RPGRIP1: variants seen among roughly 807,000 people sequenced by gnomAD.
The protein encoded by RPGRIP1 is RPGR interacting protein 1, also known as X-linked retinitis pigmentosa GTPase regulator-interacting protein 1.
Under a neutral mutation model 157.9 loss-of-function variants are expected in RPGRIP1, and 128 were observed. The observed-to-expected ratio is 0.81, with a 90% CI of 0.70 to 0.94. RPGRIP1 has a LOEUF of 0.94. Ranked by LOEUF, RPGRIP1 falls within the 40% of genes least tolerant of loss-of-function variation. RPGRIP1 has a pLI of 0.00. For missense variants in RPGRIP1, 1,486 were observed against 1,545.8 expected, an observed-to-expected ratio of 0.96 and a Z score of 0.65; for synonymous variants, 554 against 571.6, an observed-to-expected ratio of 0.97 and a Z score of 0.44.
rs765529086 is a variant in RPGRIP1 at position 21,334,673 on chromosome 14, GTGCCACCCA to G, written c.3310_3318del (p.Pro1104_Met1106del). ...AACTACCGACAGTGATGATGTCATA[GTGCCACCCA>G]TGTCTCAGAAATATCCTAAGGCAGT... On this transcript the variant is annotated inframe_deletion, in exon 21 of 25. Coordinates refer to ENST00000400017, the MANE Select transcript of RPGRIP1 (RefSeq NM_020366.4). The G allele has an allele frequency of 1.9e-6, 3 of 1,607,734 alleles. No homozygotes were observed. The highest frequency in any genetic ancestry group is 2.5e-6 in the Non-Finnish European group (3 of 1,177,530).
intron 1 of RPGRIP1, among the ~76,000 whole-genome samples, chr14:21,283,654 CTT>C (rs759412799): frequency 1.0e-4 from 14 of 134,012 alleles, no homozygotes; most frequent in Admixed American, 7.7e-5. Flanking sequence ...TGCAGATTTA[CTT>C]TTTTTTTTTT....
intron 3 of RPGRIP1, 106 bp from the exon 4 acceptor site, chr14:21,300,860 T>C: frequency 2.3e-6 from 3 of 1,294,704 alleles, no homozygotes; most frequent in Non-Finnish European, 1.1e-6. Context: ...TAGATCACGG[T>C]AGATGAATAC....
chr14:21,302,962 C>T lies in RPGRIP1; in HGVS notation c.588-369C>T, dbSNP rs10140707. ...TTGGTTCACTGCAACCCCTGCCTCC[C>T]AGGTTCAAGCAATTCTCCTGCCTCA... On this transcript the variant is annotated intron_variant, in intron 5 of 24. Coordinates refer to ENST00000400017, the MANE Select transcript of RPGRIP1 (RefSeq NM_020366.4). 7.2e-3 allele frequency: 1,496 copies of T among 207,704 alleles called. 21 individuals are homozygous for T. Among genetic ancestry groups the T allele is most frequent in the African/African-American group, 0.033 (1,414 of 42,286 alleles). 12.9% of individuals were successfully genotyped at this position (207,704 alleles called of 1,614,324 possible).
Position 21,320,063 on chromosome 14 carries a change from G to T in RPGRIP1, c.1353G>T (p.Lys451Asn), listed in dbSNP as rs192566786. 6.2e-7 allele frequency: 1 copy of T among 1,613,404 alleles called. No homozygotes were observed. The highest frequency in any genetic ancestry group is 2.2e-5 in the East Asian group (1 of 44,870). Residue 451 changes from lysine (K) to asparagine (N), a missense_variant, in exon 12 of 25, where the codon AAG (lysine) becomes AAT (asparagine). Transcript: ENST00000400017. Reference sequence around the variant, plus strand: ...TTGAAGTCACCAACATACTTCAGAAGCATAAACAGGAAGTAGAGCTCCTCC... The same window carrying T: ...TTGAAGTCACCAACATACTTCAGAATCATAAACAGGAAGTAGAGCTCCTCC... ...LKLEVTNILQ[K>N]HKQEVELLQN...
chr14:21,315,800 A>ATTTT (rs1296019158), intron 10 of RPGRIP1, among the ~76,000 whole-genome samples: 2 of 143,806 alleles, frequency 1.4e-5, no homozygotes, highest in African/African-American at 5.2e-5. Context: ...TATTATTATT[A>ATTTT]TTATTATTTT....
At chr14:21,344,609 T>C (rs1182966560) in intron 22 of RPGRIP1, among the ~76,000 whole-genome samples, 1 of 152,246 alleles carries the variant, frequency 6.6e-6, no homozygotes, top group African/African-American at 2.4e-5. Flanking sequence ...CTTTTTTTCC[T>C]ACCCTCATAT....
At chr14:21,317,227 G>T (rs531489121) in intron 10 of RPGRIP1, among the ~76,000 whole-genome samples, 1 of 152,304 alleles carries the variant, frequency 6.6e-6, no homozygotes, top group African/African-American at 2.4e-5. Context: ...TACAGTTGTT[G>T]AAAAGTTTAA....
At chr14:21,294,888 A>T in intron 3 of RPGRIP1, 79 bp downstream of exon 3, 2 of 1,210,736 alleles carry the variant, frequency 1.7e-6, no homozygotes, top group Non-Finnish European at 2.1e-6. Flanking sequence ...TCTGTTGCCC[A>T]GGCTGGAATG....
Position 21,301,096 on chromosome 14 carries a change from C to T in RPGRIP1, c.349C>T (p.Gln117Ter), listed in dbSNP as rs539334802. Residue 117 changes from glutamine to a stop codon, truncating the protein, a stop_gained, in exon 4 of 25, where the codon CAG (glutamine) becomes TAG (stop). Coordinates refer to ENST00000400017, the MANE Select transcript of RPGRIP1 (RefSeq NM_020366.4). LOFTEE classifies it high-confidence loss of function. ...AGWRQRLSMH[Q>*]RPQMHRLQGH... ...ATGGCGGCAGCGCCTCTCCATGCAC[C>T]AGCGCCCCCAGATGCACCGACTGCA... 6.2e-7 allele frequency: 1 copy of T among 1,611,808 alleles called. No individual in the cohort carries two copies. Among genetic ancestry groups the T allele is most frequent in the South Asian group, 1.1e-5 (1 of 90,956 alleles).
In RPGRIP1 at chr14:21,325,323, G is replaced by C; in HGVS notation, c.2307G>C (p.Lys769Asn). 6.2e-7 allele frequency: 1 copy of C among 1,607,220 alleles called. No homozygotes were observed. Among genetic ancestry groups the C allele is most frequent in the Non-Finnish European group, 8.5e-7 (1 of 1,176,720 alleles). ...GCCTACAGGCGTGCAATAAACGAAA[G>C]AAAGCCCAGGTCTACCTGTCAACCG... ...KPSLQACNKR[K>N]KAQVYLSTDV... Residue 769 changes from lysine (K) to asparagine (N), a missense_variant, in exon 16 of 25, where the codon AAG becomes AAC. By Grantham distance (94) the Lys-to-Asn change is moderately conservative. Coordinates refer to ENST00000400017, the MANE Select transcript of RPGRIP1 (RefSeq NM_020366.4).
chr14:21,293,841 T>C (rs1880639930), intron 2 of RPGRIP1, among the ~76,000 whole-genome samples: 1 of 151,464 alleles, frequency 6.6e-6, no homozygotes, highest in African/African-American at 2.4e-5. Context: ...ATGGCGCCAC[T>C]GCACTCCAGC....
rs1883350693 is a variant in RPGRIP1 at position 21,328,487 on chromosome 14, CCT to C, written c.2961_2962del (p.His988TrpfsTer30). 1 of 1,613,750 alleles carries C rather than the reference CCT, an allele frequency of 6.2e-7. No individual in the cohort carries two copies. The highest frequency in any genetic ancestry group is 8.5e-7 in the Non-Finnish European group (1 of 1,179,822). On this transcript the variant is annotated frameshift_variant, in exon 19 of 25. Transcript: ENST00000400017. LOFTEE classifies it high-confidence loss of function. Reference sequence around the variant, plus strand: ...CCAGTATCGATCTAAGAGAAAACCTCCTCATGGGGGAGAAAGAAAGGAGAAGG... The same window carrying C: ...CCAGTATCGATCTAAGAGAAAACCTCCATGGGGGAGAAAGAAAGGAGAAGG... ...AGQYRSKRKP[P>X]HGGERKEKEH...
chr14:21,312,258 A>G (rs1010528973), intron 9 of RPGRIP1, among the ~76,000 whole-genome samples, 175 bp from the exon 10 acceptor site: 6 of 152,138 alleles, frequency 3.9e-5, no homozygotes, highest in Non-Finnish European at 8.8e-5. Context: ...ATCCCAATAC[A>G]AGTTTCTAGC....
intron 6 of RPGRIP1, among the ~76,000 whole-genome samples, chr14:21,306,046 C>T (rs2139165737): frequency 6.6e-6 from 1 of 150,552 alleles, no homozygotes; most frequent in South Asian, 2.1e-4. Context: ...CAAATCCTCC[C>T]CAGTATCTCT....
chr14:21,321,999 C>T lies in RPGRIP1; in HGVS notation c.1757C>T (p.Thr586Ile), dbSNP rs1387707646. 2 of 1,612,070 alleles carry T rather than the reference C, an allele frequency of 1.2e-6. No individual in the cohort carries two copies. Among genetic ancestry groups the T allele is most frequent in the East Asian group, 4.5e-5 (2 of 44,888 alleles). Residue 586 changes from threonine to isoleucine, a missense_variant, in exon 14 of 25, where the codon ACA (threonine) becomes ATA (isoleucine). By Grantham distance (89) the Thr-to-Ile change is moderately conservative. Coordinates refer to ENST00000400017, the MANE Select transcript of RPGRIP1 (RefSeq NM_020366.4). ...EGILRSHDLP[T>I]SEQLKDVAYG... ...ATTTTAAGAAGCCATGACCTTCCAA[C>T]ATCTGGCAAGTCTTAGTCCTTTGTT...
chr14:21,312,056 C>T (rs897631598), intron 9 of RPGRIP1, 86 bp downstream of exon 9: 9 of 1,267,324 alleles, frequency 7.1e-6, no homozygotes, highest in Non-Finnish European at 1.0e-5. Context: ...ATGAGTATTG[C>T]ATTTTTTCAA....
chr14:21,296,845 C>T (rs1323676658), intron 3 of RPGRIP1, among the ~76,000 whole-genome samples: 1 of 151,168 alleles, frequency 6.6e-6, no homozygotes, highest in Non-Finnish European at 1.5e-5. Flanking sequence ...ATCCCAGCTA[C>T]TCGGGAGACT....
intron 11 of RPGRIP1, chr14:21,318,242 G>T: frequency 2.5e-6 from 1 of 396,668 alleles, no homozygotes; most frequent in Non-Finnish European, 4.9e-6. Flanking sequence ...AAGTAGCTCG[G>T]ATTACAAGCA....
rs146224548 is a variant in RPGRIP1 at position 21,309,834 on chromosome 14, T to TAA, written c.907-742_907-741dup. On this transcript the variant is annotated intron_variant, in intron 7 of 24. Transcript: ENST00000400017. ...TTTTTTAAAAAATAAAAAATAAATT[T>TAA]AAAAAAAAAGTTTGGGAGGCTGAGG... 1.3e-4 allele frequency among the ~76,000 whole-genome samples: 20 copies of TAA among 151,116 alleles called. 1 individual carries two copies. The highest frequency in any genetic ancestry group is 2.4e-4 in the Non-Finnish European group (16 of 67,796).
Sources: gnomAD v4.1 joint callset for allele counts (sites outside exome capture counted in the v4.1 genomes callset) on GRCh38, gnomAD v4.1.1 for gene constraint, MANE v1.5 for transcripts, NCBI Gene and HGNC (gene_info 2026-07-23, HGNC 2026-07-21) for gene names.